ADGRG4: variants seen among roughly 807,000 people sequenced by gnomAD.
ADGRG4 encodes the protein adhesion G protein-coupled receptor G4.
ADGRG4 carries 122 observed loss-of-function variants against 126.2 expected under a neutral mutation model. That is an observed-to-expected ratio of 0.97 (90% CI 0.83 to 1.12). The LOEUF is 1.12. Among genes scored for constraint, ADGRG4 ranks in the 50% most tolerant of loss-of-function variants. The pLI is 0.00. For synonymous variants in ADGRG4, 943 were observed against 838.7 expected (o/e 1.12, Z -2.15); for missense variants, 2,481 against 2,251.8 (o/e 1.10, Z -2.06).
At chrX:136,355,652 T>C (rs1385434588) in intron 8 of ADGRG4, among the ~76,000 whole-genome samples, 3 of 111,804 alleles carry the variant, frequency 2.7e-5, no homozygotes, top group Non-Finnish European at 5.6e-5. Flanking sequence ...TTTTCACACA[T>C]TTACTAAGAG....
rs747867164 is a variant in ADGRG4, at chrX:136,346,561, G to T, written c.2855G>T (p.Gly952Val). The T allele has an allele frequency of 1.8e-5, 22 of 1,208,714 alleles. No individual in the cohort carries two copies. Among genetic ancestry groups the T allele is most frequent in the Non-Finnish European group, 2.3e-5 (21 of 894,509 alleles). ...GAGACATCTGAGGGAATTTCAGCTGGATCTCCCACTTCTGGGAGCACACAT... is the reference window on the plus strand; with the variant it reads ...GAGACATCTGAGGGAATTTCAGCTGTATCTCCCACTTCTGGGAGCACACAT... Reference protein sequence around the residue: ...TSETSEGISAGSPTSGSTHIF... With the variant: ...TSETSEGISAVSPTSGSTHIF... The change falls in exon 6 of 26, where the codon GGA (glycine) becomes GTA (valine). Residue 952 changes from glycine to valine, a missense_variant. Transcript: ENST00000394143.
chrX:136,382,373 C>G (rs2075268583), intron 15 of ADGRG4, among the ~76,000 whole-genome samples: 2 of 111,990 alleles, frequency 1.8e-5, no homozygotes, highest in Admixed American at 9.4e-5. Context: ...TGTATACATG[C>G]ACAAACATGT....
intron 16 of ADGRG4, among the ~76,000 whole-genome samples, chrX:136,389,364 C>T (rs771171417): frequency 8.9e-6 from 1 of 112,475 alleles, no homozygotes; most frequent in Non-Finnish European, 1.9e-5. Flanking sequence ...AATTTCTCTC[C>T]TTTCTTCAGA....
chrX:136,351,216 T>C, intron 6 of ADGRG4, among the ~76,000 whole-genome samples: 1 of 111,503 alleles, frequency 9.0e-6, no homozygotes, highest in East Asian at 2.8e-4. Context: ...CAACTAGAAA[T>C]CAAGGAAGTG....
chrX:136,391,990 G>A (rs1245540144), intron 16 of ADGRG4, among the ~76,000 whole-genome samples: 5 of 112,238 alleles, frequency 4.5e-5, no homozygotes, highest in African/African-American at 1.6e-4. Context: ...AAACAAATGC[G>A]TGCTAAATAC....
intron 3 of ADGRG4, chrX:136,306,192 C>G (rs1043506290): frequency 8.1e-5 from 9 of 110,819 alleles, no homozygotes; most frequent in Non-Finnish European, 1.5e-4. Flanking sequence ...CTTCCTCCTT[C>G]CCTCCCTCTT....
At chrX:136,416,272 T>C (rs1043231899) in intron 25 of ADGRG4, among the ~76,000 whole-genome samples, 182 bp from the exon 26 acceptor site, 1 of 111,623 alleles carries the variant, frequency 9.0e-6, no homozygotes, top group Non-Finnish European at 1.9e-5. Context: ...CAAACAGTGC[T>C]GTCAGGATGA....
chrX:136,376,928 A>T (rs1329635230), intron 15 of ADGRG4, among the ~76,000 whole-genome samples: 1 of 110,262 alleles, frequency 9.1e-6, no homozygotes, highest in Non-Finnish European at 1.9e-5. Flanking sequence ...TCCAATTTGG[A>T]TGCCCTTTAT....
At chrX:136,314,114 T>A (rs957154871) in intron 4 of ADGRG4, among the ~76,000 whole-genome samples, 1 of 110,925 alleles carries the variant, frequency 9.0e-6, no homozygotes, top group Admixed American at 9.7e-5. Context: ...TAAACCATTT[T>A]AACTGCTTCC....
intron 13 of ADGRG4, among the ~76,000 whole-genome samples, chrX:136,364,198 C>T (rs2075145239): frequency 9.0e-6 from 1 of 110,589 alleles, no homozygotes; most frequent in Non-Finnish European, 1.9e-5. Flanking sequence ...GACTTCAATA[C>T]TCAAAAAACA....
chrX:136,304,375 AG>A (rs2074720484), intron 2 of ADGRG4, among the ~76,000 whole-genome samples, 168 bp downstream of exon 2: 1 of 112,473 alleles, frequency 8.9e-6, no homozygotes, highest in Non-Finnish European at 1.9e-5. Flanking sequence ...ACCGTACAAA[AG>A]CATGTTCAGT....
At chrX:136,365,168 G>A (rs1434853724) in intron 13 of ADGRG4, among the ~76,000 whole-genome samples, 8 of 111,689 alleles carry the variant, frequency 7.2e-5, no homozygotes, top group African/African-American at 2.6e-4. Context: ...CATTTAATGT[G>A]TACAATTTAG....
chrX:136,355,888 C>T (rs1368762464), intron 8 of ADGRG4, among the ~76,000 whole-genome samples: 1 of 111,549 alleles, frequency 9.0e-6, no homozygotes, highest in Admixed American at 9.5e-5. Flanking sequence ...TTGCTGGTAC[C>T]ATTATGGAAT....
intron 14 of ADGRG4, among the ~76,000 whole-genome samples, chrX:136,372,405 C>A (rs546743): frequency 0.35 from 38,708 of 110,519 alleles, 5,159 homozygotes; most frequent in Non-Finnish European, 0.4. Context: ...TAAATGGTCT[C>A]TCTGCCTCCG....
At chrX:136,364,100 C>T (rs755437361) in intron 13 of ADGRG4, among the ~76,000 whole-genome samples, 240 of 110,875 alleles carry the variant, frequency 2.2e-3, no homozygotes, top group African/African-American at 7.7e-3. Flanking sequence ...TGTGAGCCAC[C>T]GCGCCTGGCC....
Position 136,349,873 on chromosome X carries a change from T to G in ADGRG4, c.6167T>G (p.Leu2056Trp). 9 of 1,210,368 alleles carry G rather than the reference T, an allele frequency of 7.4e-6. No individual in the cohort carries two copies. The highest frequency in any genetic ancestry group is 1.0e-5 in the Non-Finnish European group (9 of 894,445). ...DMISAHPFTNLTTLPSATMST... is the reference protein window; with the variant it reads ...DMISAHPFTNWTTLPSATMST... ...ATATCAGCGCACCCATTCACTAACT[T>G]GACAACACTACCCTCTGCTACTATG... The change falls in exon 6 of 26, where the codon TTG becomes TGG. Residue 2056 changes from leucine (L) to tryptophan (W), a missense_variant. By Grantham distance (61) the Leu-to-Trp change is moderately conservative. Coordinates refer to ENST00000394143, the MANE Select transcript of ADGRG4 (RefSeq NM_153834.4).
chrX:136,363,194 T>C (rs1490160812), intron 12 of ADGRG4, among the ~76,000 whole-genome samples: 1 of 111,894 alleles, frequency 8.9e-6, no homozygotes, highest in Non-Finnish European at 1.9e-5. Flanking sequence ...AATCTCTGTC[T>C]TGATGCTTGG....
rs541865686 is a variant in ADGRG4 at position 136,387,694 on chromosome X, T to C, written c.7777-46T>C. On this transcript the variant is annotated intron_variant, in intron 15 of 25. Transcript: ENST00000394143. ...GTGGGAGGTGGGCAGGACTTCACTA[T>C]GATGAATGAAGACTCCAATTTTCAT... is the stretch of plus-strand genomic sequence containing the variant. 3.7e-4 allele frequency: 427 copies of C among 1,169,175 alleles called. 2 individuals are homozygous for C. In the South Asian group the frequency reaches 5.6e-3, roughly 15 times the overall value.
intron 15 of ADGRG4, among the ~76,000 whole-genome samples, chrX:136,380,581 TCC>T (rs1569332935): frequency 7.1e-4 from 53 of 74,702 alleles, no homozygotes; most frequent in African/African-American, 2.0e-3. Flanking sequence ...TTCTTCTTCC[TCC>T]TCCTCCTCCT....
Sources: gnomAD v4.1 joint callset for allele counts (sites outside exome capture counted in the v4.1 genomes callset) on GRCh38, gnomAD v4.1.1 for gene constraint, MANE v1.5 for transcripts, NCBI Gene and HGNC (gene_info 2026-07-23, HGNC 2026-07-21) for gene names.